The following FOCAD variants were observed in gnomAD, a reference collection of about 807,000 sequenced individuals.
FOCAD encodes focadhesin, also known as KIAA1797.
FOCAD carries 198 observed loss-of-function variants against 225.6 expected under a neutral mutation model. That is an observed-to-expected ratio of 0.88 (90% confidence interval 0.78 to 0.99). FOCAD has a LOEUF of 0.99. Among genes scored for constraint, FOCAD ranks in the 50% least tolerant of loss-of-function variants. The probability of loss-of-function intolerance (pLI) is 0.00; values close to 1 mark genes in which losing one functional copy is unlikely to be tolerated. For synonymous variants in FOCAD, 897 were observed against 755.0 expected (o/e 1.19, Z -3.08); for missense variants, 2,713 against 2,123.6 (o/e 1.28, Z -5.46).
chr9:20,975,558 T>C (rs1377065548), intron 35 of FOCAD, among the ~76,000 whole-genome samples: 1 of 152,184 alleles, frequency 6.6e-6, no homozygotes, highest in African/African-American at 2.4e-5. Flanking sequence ...CCTTATTCTC[T>C]CTGCTGGAAG....
intron 5 of FOCAD, among the ~76,000 whole-genome samples, chr9:20,743,950 G>A (rs1827835050): frequency 6.6e-6 from 1 of 152,104 alleles, no homozygotes; most frequent in Admixed American, 6.5e-5. Context: ...TAAGTACCAA[G>A]GCACCAAGTT....
intron 4 of FOCAD, among the ~76,000 whole-genome samples, chr9:20,723,426 T>G (rs1825946257): frequency 6.6e-6 from 1 of 152,218 alleles, no homozygotes; most frequent in South Asian, 2.1e-4. Flanking sequence ...AGGCGGATCT[T>G]GCAGCGAGCT....
intron 15 of FOCAD, among the ~76,000 whole-genome samples, chr9:20,835,628 A>G (rs1267907016): frequency 3.3e-5 from 5 of 152,088 alleles, no homozygotes; most frequent in African/African-American, 2.4e-5. Context: ...CAAATTGTCC[A>G]GGGTTGGAGA....
intron 2 of FOCAD, chr9:20,716,179 G>A: frequency 2.1e-6 from 1 of 471,706 alleles, no homozygotes; most frequent in South Asian, 1.6e-5. Context: ...CTTCTACCTG[G>A]CTGGGTTGGA....
chr9:20,709,531 A>G (rs1347146639), intron 1 of FOCAD, among the ~76,000 whole-genome samples: 1 of 148,844 alleles, frequency 6.7e-6, no homozygotes, highest in Middle Eastern at 3.2e-3. Flanking sequence ...AAAAAAAAGT[A>G]GGACACGTAC....
chr9:20,982,251 C>A, intron 38 of FOCAD, 106 bp from the exon 39 acceptor site: 1 of 691,018 alleles, frequency 1.4e-6, no homozygotes, highest in South Asian at 2.4e-5. Context: ...ATTAAAATCT[C>A]ATCAGCTGCT....
intron 8 of FOCAD, among the ~76,000 whole-genome samples, chr9:20,773,697 G>C (rs558872610): frequency 6.6e-6 from 1 of 152,046 alleles, no homozygotes; most frequent in Admixed American, 6.5e-5. Flanking sequence ...TATGTTTTGG[G>C]GTATGTGTGT....
At chr9:20,849,181 A>G (rs1356913871) in intron 15 of FOCAD, among the ~76,000 whole-genome samples, 5 of 151,968 alleles carry the variant, frequency 3.3e-5, no homozygotes, top group Non-Finnish European at 5.9e-5. Context: ...AGCTTTCCAT[A>G]TAGACATCTC....
At chr9:20,706,273 C>T (rs980417870) in intron 1 of FOCAD, among the ~76,000 whole-genome samples, 1 of 151,878 alleles carries the variant, frequency 6.6e-6, no homozygotes, top group African/African-American at 2.4e-5. Context: ...TGCCTGTTTT[C>T]CTGGACAGCA....
intron 37 of FOCAD, among the ~76,000 whole-genome samples, chr9:20,980,387 T>C (rs1367477417): frequency 2.6e-5 from 4 of 152,184 alleles, no homozygotes; most frequent in Admixed American, 2.0e-4. Context: ...TTCCAGCCTG[T>C]TGGGTTGGCC....
chr9:20,959,827 A>G (rs1464258735), intron 35 of FOCAD, among the ~76,000 whole-genome samples: 1 of 152,178 alleles, frequency 6.6e-6, no homozygotes, highest in East Asian at 1.9e-4. Context: ...ATTTTTGTCA[A>G]AAATCAGTTT....
intron 1 of FOCAD, among the ~76,000 whole-genome samples, chr9:20,713,414 C>G (rs1295115624): frequency 6.6e-6 from 1 of 152,230 alleles, no homozygotes; most frequent in South Asian, 2.1e-4. Context: ...TCCTTTAAGT[C>G]TGTTCACATG....
At chr9:20,988,050 A>C (rs1198837469) in intron 40 of FOCAD, among the ~76,000 whole-genome samples, 1 of 152,220 alleles carries the variant, frequency 6.6e-6, no homozygotes, top group East Asian at 1.9e-4. Context: ...TAATTTTGAG[A>C]GAGAAACTCC....
chr9:20,760,863 A>G (rs953191215), intron 6 of FOCAD, among the ~76,000 whole-genome samples: 1 of 152,188 alleles, frequency 6.6e-6, no homozygotes, highest in African/African-American at 2.4e-5. Context: ...GTACCACTGC[A>G]CTTCAGCCTG....
At chr9:20,725,410 A>T (rs541192373) in intron 4 of FOCAD, among the ~76,000 whole-genome samples, 6 of 152,238 alleles carry the variant, frequency 3.9e-5, no homozygotes, top group Non-Finnish European at 7.3e-5. Context: ...CTTCTAGCCT[A>T]CTATCCTTCA....
intron 1 of FOCAD, among the ~76,000 whole-genome samples, chr9:20,707,162 G>A (rs118084825): frequency 6.6e-6 from 1 of 152,294 alleles, no homozygotes; most frequent in Non-Finnish European, 1.5e-5. Flanking sequence ...TCATATGGTT[G>A]CTGCTTTCTC....
rs189792110 is a variant in FOCAD at position 20,740,988 on chromosome 9, C to A, written c.392+648C>A. The stretch of plus-strand genomic sequence containing the variant: ...AGGAAGCCATCTCTTAAGAGAGGGG[C>A]TCTGAGTTAGCAGAGGACCCAGAAG... On this transcript the variant is annotated intron_variant, in intron 5 of 43. Transcript: ENST00000338382. Among the ~76,000 whole-genome samples the A allele has an allele frequency of 1.2e-3, 187 of 152,216 alleles. 1 individual carries two copies. The highest frequency in any genetic ancestry group is 4.4e-3 in the African/African-American group (181 of 41,534).
Position 20,684,290 on chromosome 9 carries a change from G to A in FOCAD, c.-36G>A, listed in dbSNP as rs942100230. 9 of 152,270 alleles carry A rather than the reference G, an allele frequency of 5.9e-5. No individual in the cohort carries two copies. Among genetic ancestry groups the A allele is most frequent in the African/African-American group, 1.9e-4 (8 of 41,446 alleles). 9.4% of individuals were successfully genotyped at this position (152,270 alleles called of 1,614,324 possible). On this transcript the variant is annotated 5_prime_UTR_variant, in exon 1 of 44. Transcript: ENST00000338382. ...CGCTGGGCTGAGCTTGTGGCAGAAG[G>A]GAGGTAAGCCGTGCGGGGCGGCGGG...
chr9:20,936,717 G>C (rs183734525), intron 28 of FOCAD, among the ~76,000 whole-genome samples: 2 of 152,248 alleles, frequency 1.3e-5, no homozygotes, highest in Admixed American at 1.3e-4. Context: ...ATTCAACATA[G>C]TGTTGGAAGT....
Sources: allele counts gnomAD v4.1 joint callset (sites outside exome capture counted in the v4.1 genomes callset), GRCh38; gene constraint gnomAD v4.1.1; transcripts MANE v1.5; gene names NCBI Gene and HGNC (gene_info 2026-07-23, HGNC 2026-07-21).